The following EPGN variants were observed in gnomAD, a reference collection of about 807,000 sequenced individuals.
EPGN encodes the protein epigen.
A neutral mutation model predicts 20.7 loss-of-function variants in EPGN; 21 were observed. The observed-to-expected ratio is 1.01, with a 90% CI of 0.72 to 1.46. EPGN has a LOEUF of 1.46. Among genes scored for constraint, EPGN ranks in the 40% most tolerant of loss-of-function variants. The probability of loss-of-function intolerance (pLI) is 0.00; values close to 1 mark genes in which losing one functional copy is unlikely to be tolerated. For missense variants in EPGN, 199 were observed against 180.7 expected, an observed-to-expected ratio of 1.10 and a Z score of -0.58; for synonymous variants, 69 against 63.8, an observed-to-expected ratio of 1.08 and a Z score of -0.39.
rs978121175 is a variant in EPGN, at chr4:74,309,147, C to A, written c.98C>A (p.Ala33Asp). The change falls in exon 2 of 5, where the codon GCC becomes GAC. Residue 33 changes from alanine (A) to aspartate (D), a missense_variant. Ala to Asp is a moderately radical substitution (Grantham distance 126). Coordinates refer to ENST00000413830, the MANE Select transcript of EPGN (RefSeq NM_001270989.2). ...AAVTVTPPIT[A>D]QQGNWTVNKT... ...GTGACTGTAACACCTCCAATCACAG[C>A]CCAGCAAGGTAACTGGACAGTTAAC... 5 of 1,613,514 alleles carry A rather than the reference C, an allele frequency of 3.1e-6. No homozygotes were observed. The highest frequency in any genetic ancestry group is 4.2e-6 in the Non-Finnish European group (5 of 1,179,590).
rs545542003 is a variant in EPGN at position 74,316,452 on chromosome 4, T to G, written c.*1815T>G. ...CAAGCCTTTCATTTACATTAAATTA[T>G]AACTTTTCATTCATTCCTAAACCAA... On this transcript the variant is annotated 3_prime_UTR_variant, in exon 5 of 5. Coordinates refer to ENST00000413830, the MANE Select transcript of EPGN (RefSeq NM_001270989.2). 6.6e-6 allele frequency among the ~76,000 whole-genome samples: 1 copy of G among 152,376 alleles called. No homozygotes were observed. The highest frequency in any genetic ancestry group is 2.4e-5 in the African/African-American group (1 of 41,590).
chr4:74,316,208 C>G lies in EPGN; in HGVS notation c.*1571C>G, dbSNP rs1751265926. Among the ~76,000 whole-genome samples, 1 of 151,970 alleles carries G rather than the reference C, an allele frequency of 6.6e-6. No homozygotes were observed. Among genetic ancestry groups the G allele is most frequent in the Non-Finnish European group, 1.5e-5 (1 of 67,996 alleles). On this transcript the variant is annotated 3_prime_UTR_variant, in exon 5 of 5. Coordinates refer to ENST00000413830, the MANE Select transcript of EPGN (RefSeq NM_001270989.2). ...CCTGAAACACACTACTCGATATTAT[C>G]TTAGGTATGTTTTAGGGTTTAGTTT... is the stretch of plus-strand genomic sequence containing the variant.
chr4:74,312,395 C>T lies in EPGN; in HGVS notation c.254+90C>T, dbSNP rs1751020336. The T allele has an allele frequency of 2.1e-6, 3 of 1,433,756 alleles. No individual in the cohort carries two copies. In the South Asian group the frequency reaches 4.7e-5, roughly 22 times the overall value. The allele number at this position is 1,433,756 out of a possible 1,614,324, so 88.8% of individuals were successfully genotyped here. ...ATAGTACATTTCCACACTTTTCTCT[C>T]TTTAGTTTAAAAGGGTGCATAATCT... On this transcript the variant is annotated intron_variant, in intron 3 of 4. Transcript: ENST00000413830.
At position 74,315,789 on chromosome 4, in the gene EPGN, T is replaced by C. The variant is rs188408447; in HGVS notation, c.*1152T>C. The stretch of plus-strand genomic sequence containing the variant: ...CAACATGGTGAAACCCTGTCTCTAC[T>C]AAAAATACAAAAATTAGCTGGGCGT... On this transcript the variant is annotated 3_prime_UTR_variant, in exon 5 of 5. Coordinates refer to ENST00000413830, the MANE Select transcript of EPGN (RefSeq NM_001270989.2). Among the ~76,000 whole-genome samples the C allele has an allele frequency of 9.5e-3, 1,442 of 151,906 alleles. 27 individuals are homozygous for C. The highest frequency in any genetic ancestry group is 0.033 in the African/African-American group (1,365 of 41,416).
At chr4:74,312,150 A>C (rs1750997985) in intron 2 of EPGN, 35 bp from the exon 3 acceptor site, 1 of 1,565,210 alleles carries the variant, frequency 6.4e-7, no homozygotes, top group African/African-American at 1.4e-5. Context: ...AGTAAGACAC[A>C]TTTCATTTGC....
intron 2 of EPGN, among the ~76,000 whole-genome samples, chr4:74,310,079 TG>T (rs1367692391): frequency 6.6e-6 from 1 of 152,178 alleles, no homozygotes; most frequent in East Asian, 1.9e-4. Flanking sequence ...GAAATCAATG[TG>T]GGTTATAGAA....
At chr4:74,311,456 CTG>C (rs1750942657) in intron 2 of EPGN, among the ~76,000 whole-genome samples, 1 of 152,038 alleles carries the variant, frequency 6.6e-6, no homozygotes, top group African/African-American at 2.4e-5. Flanking sequence ...CCTTTTAAAA[CTG>C]TTTTTTCCCT....
chr4:74,314,045 G>A (rs1751140518), intron 4 of EPGN: 2 of 453,602 alleles, frequency 4.4e-6, no homozygotes, highest in South Asian at 1.6e-5. Flanking sequence ...GGCTCTCTGA[G>A]GTCAGATTTC....
At chr4:74,309,518 T>A (rs1027983964) in intron 2 of EPGN, among the ~76,000 whole-genome samples, 4 of 152,216 alleles carry the variant, frequency 2.6e-5, no homozygotes, top group African/African-American at 9.6e-5. Context: ...GCATTCTTGA[T>A]GAGCAGCATT....
At chr4:74,309,374 A>T (rs1462644137) in intron 2 of EPGN, among the ~76,000 whole-genome samples, 192 bp downstream of exon 2, 1 of 152,196 alleles carries the variant, frequency 6.6e-6, no homozygotes, top group East Asian at 1.9e-4. Context: ...TTTTAAAAGG[A>T]GGAAGTTAAG....
Position 74,313,052 on chromosome 4 carries a change from C to T in EPGN, c.289C>T (p.His97Tyr), listed in dbSNP as rs200275702. ...TGGTTATACTGGAGAAAGGTGTGAG[C>T]ACTTGACTTTAACTTCATATGCTGT... ...FTGYTGERCE[H>Y]LTLTSYAVDS... Residue 97 changes from histidine to tyrosine, a missense_variant, in exon 4 of 5, where the codon CAC (histidine) becomes TAC (tyrosine). His to Tyr is a moderately conservative substitution (Grantham distance 83). Transcript: ENST00000413830. 1.8e-5 allele frequency: 29 copies of T among 1,612,146 alleles called. No individual in the cohort carries two copies. In the African/African-American group the frequency reaches 2.8e-4, roughly 16 times the overall value.
chr4:74,315,824 T>C lies in EPGN; in HGVS notation c.*1187T>C, dbSNP rs1443160917. 6.6e-6 allele frequency among the ~76,000 whole-genome samples: 1 copy of C among 151,798 alleles called. No homozygotes were observed. Among genetic ancestry groups the C allele is most frequent in the Non-Finnish European group, 1.5e-5 (1 of 67,940 alleles). Reference sequence around the variant, plus strand: ...AAAATTAGCTGGGCGTGGTGGTGCATGCCTGTAATCCCAGCTACTCCAGAG... The same window carrying C: ...AAAATTAGCTGGGCGTGGTGGTGCACGCCTGTAATCCCAGCTACTCCAGAG... On this transcript the variant is annotated 3_prime_UTR_variant, in exon 5 of 5. Transcript: ENST00000413830.
intron 4 of EPGN, 130 bp downstream of exon 4, chr4:74,313,300 A>C: frequency 7.1e-7 from 1 of 1,414,480 alleles, no homozygotes; most frequent in Admixed American, 3.4e-5. Context: ...AATCTGGCAA[A>C]AAGTTTCTAT....
intron 2 of EPGN, 80 bp downstream of exon 2, chr4:74,309,262 T>C (rs1750736371): frequency 1.9e-6 from 2 of 1,039,408 alleles, no homozygotes; most frequent in South Asian, 1.7e-5. Context: ...AAAAGCAATA[T>C]TGGCCATTTT....
intron 4 of EPGN, chr4:74,314,263 TC>T (rs1011718217): frequency 2.0e-6 from 1 of 493,812 alleles, no homozygotes; most frequent in Non-Finnish European, 3.8e-6. Flanking sequence ...TGTAGACCTC[TC>T]CCAAGGAGAT....
chr4:74,312,919 T>C lies in EPGN; in HGVS notation c.255-99T>C. The C allele has an allele frequency of 2.9e-6, 3 of 1,030,012 alleles. No homozygotes were observed. The South Asian group carries it at 4.9e-5, about 17-fold the overall frequency. The allele number at this position is 1,030,012 out of a possible 1,614,324, so 63.8% of individuals were successfully genotyped here. A position where few individuals can be genotyped will look rare whatever the true frequency, so the allele number is the denominator to read the frequency against. ...TTGGTATTTGCCTCTTTAATTTAAA[T>C]TCCTTATTTCCATTTATTTTTTTAA... is the stretch of plus-strand genomic sequence containing the variant. On this transcript the variant is annotated intron_variant, in intron 3 of 4. Transcript: ENST00000413830.
chr4:74,311,772 G>T (rs1033318572), intron 2 of EPGN, among the ~76,000 whole-genome samples: 4 of 152,174 alleles, frequency 2.6e-5, no homozygotes, highest in African/African-American at 9.6e-5. Flanking sequence ...CGCAAGTGCT[G>T]ACTTCTCAGG....
In EPGN at chr4:74,312,874, C is replaced by A; in HGVS notation, c.255-144C>A. Reference sequence around the variant, plus strand: ...GAAAATTCATAGCTGCTTCATTGCCCGTAACAGATTGGCTTTCATTTGGTA... The same window carrying A: ...GAAAATTCATAGCTGCTTCATTGCCAGTAACAGATTGGCTTTCATTTGGTA... On this transcript the variant is annotated intron_variant, in intron 3 of 4. Coordinates refer to ENST00000413830, the MANE Select transcript of EPGN (RefSeq NM_001270989.2). 3 of 678,520 alleles carry A rather than the reference C, an allele frequency of 4.4e-6. No individual in the cohort carries two copies. The South Asian group carries it at 6.6e-5, about 15-fold the overall frequency. The allele number at this position is 678,520 out of a possible 1,614,324, so 42.0% of individuals were successfully genotyped here. A position where few individuals can be genotyped will look rare whatever the true frequency, so the allele number is the denominator to read the frequency against.
At position 74,308,479 on chromosome 4, in the gene EPGN, C is replaced by T; in HGVS notation, c.-55C>T. 2.0e-6 allele frequency: 3 copies of T among 1,468,618 alleles called. No individual in the cohort carries two copies. Among genetic ancestry groups the T allele is most frequent in the East Asian group, 4.6e-5 (2 of 43,790 alleles). The allele number at this position is 1,468,618 out of a possible 1,614,324, so 91.0% of individuals were successfully genotyped here. Reference sequence around the variant, plus strand: ...AAGACTCAGAGAGCTCAATAAAAACCTTCCACCCGTCAGTCTAGAAGGATA... The same window carrying T: ...AAGACTCAGAGAGCTCAATAAAAACTTTCCACCCGTCAGTCTAGAAGGATA... On this transcript the variant is annotated 5_prime_UTR_variant, in exon 1 of 5. Transcript: ENST00000413830.
Sources: gnomAD v4.1 joint callset for allele counts (sites outside exome capture counted in the v4.1 genomes callset) on GRCh38, gnomAD v4.1.1 for gene constraint, MANE v1.5 for transcripts, NCBI Gene and HGNC (gene_info 2026-07-23, HGNC 2026-07-21) for gene names.